ARIH2: variants seen among roughly 807,000 people sequenced by gnomAD.
ARIH2 encodes the protein ariadne RBR E3 ubiquitin protein ligase 2, also known as E3 ubiquitin-protein ligase ARIH2.
A neutral mutation model predicts 79.8 loss-of-function variants in ARIH2; 12 were observed. That is an observed-to-expected ratio of 0.15 (90% CI 0.10 to 0.24). The LOEUF (loss-of-function observed/expected upper bound fraction) is 0.24, where lower values mean the gene tolerates loss of function less well. Ranked by LOEUF, ARIH2 falls within the 10% of genes least tolerant of loss-of-function variation. ARIH2 has a pLI of 1.00. For synonymous variants in ARIH2, 224 were observed against 213.9 expected, an observed-to-expected ratio of 1.05 and a Z score of -0.41; for missense variants, 301 against 618.3, an observed-to-expected ratio of 0.49 and a Z score of 5.44.
Position 48,973,737 on chromosome 3 carries a change from G to A in ARIH2, c.809G>A (p.Cys270Tyr). Residue 270 changes from cysteine (C) to tyrosine (Y), a missense_variant, in exon 9 of 16, where the codon TGT becomes TAT. By Grantham distance (194) the Cys-to-Tyr change is radical. This residue lies in a region of ARIH2 where 223 missense variants were observed against 349.4 expected (regional missense o/e 0.64). Coordinates refer to ENST00000356401, the MANE Select transcript of ARIH2 (RefSeq NM_006321.4). Reference protein sequence around the residue: ...CRQMYHAPTDCATIRKWLTKC... With the variant: ...CRQMYHAPTDYATIRKWLTKC... ...CAGATGTATCACGCACCCACAGACT[G>A]TGCCACAATCCGGAAATGGCTCACG... is the stretch of plus-strand genomic sequence containing the variant. 1 of 1,614,176 alleles carries A rather than the reference G, an allele frequency of 6.2e-7. No individual in the cohort carries two copies. Among genetic ancestry groups the A allele is most frequent in the Non-Finnish European group, 8.5e-7 (1 of 1,180,018 alleles).
Position 48,927,590 on chromosome 3 carries a change from A to G in ARIH2, c.32A>G (p.Asp11Gly), listed in dbSNP as rs1338674813. 2 of 1,613,986 alleles carry G rather than the reference A, an allele frequency of 1.2e-6. No individual in the cohort carries two copies. Among genetic ancestry groups the G allele is most frequent in the Non-Finnish European group, 1.7e-6 (2 of 1,180,006 alleles). The part of the protein sequence containing the change: MSVDMNSQGS[D>G]SNEEDYDPNC... ...GTGGACATGAATAGCCAGGGGTCTG[A>G]CAGCAATGAAGAGGACTATGACCCA... Residue 11 changes from aspartate (D) to glycine (G), a missense_variant, in exon 3 of 16, where the codon GAC becomes GGC. Asp to Gly is a moderately conservative substitution (Grantham distance 94). Around this residue, in one of 2 missense-constraint regions of ARIH2, gnomAD observed 223 missense variants for 349.4 expected, o/e 0.64. Coordinates refer to ENST00000356401, the MANE Select transcript of ARIH2 (RefSeq NM_006321.4).
In ARIH2 at chr3:48,984,395, G is replaced by A. The variant is rs1313586945; in HGVS notation, c.*1125G>A. 1 of 152,582 alleles carries A rather than the reference G, an allele frequency of 6.6e-6. No homozygotes were observed. The highest frequency in any genetic ancestry group is 1.5e-5 in the Non-Finnish European group (1 of 68,032). The allele number at this position is 152,582 out of a possible 1,614,324, so 9.5% of individuals were successfully genotyped here. A position where few individuals can be genotyped will look rare whatever the true frequency, so the allele number is the denominator to read the frequency against. On this transcript the variant is annotated 3_prime_UTR_variant, in exon 16 of 16. Transcript: ENST00000356401. ...AGAGGCTGCTCTGAGGCTGAGGTGT[G>A]TTCCCCCTTGCCTGGTTCCAGCTGT...
At chr3:48,934,598 C>T (rs1303893486) in intron 3 of ARIH2, 6 of 985,252 alleles carry the variant, frequency 6.1e-6, no homozygotes, top group Admixed American at 6.2e-5. Flanking sequence ...TAAATTCCTG[C>T]GTTTCAAATA....
At chr3:48,953,362 T>C (rs1450115012) in intron 3 of ARIH2, among the ~76,000 whole-genome samples, 1 of 152,222 alleles carries the variant, frequency 6.6e-6, no homozygotes, top group Non-Finnish European at 1.5e-5. Flanking sequence ...CCCATAAGCT[T>C]TGAAAAGTAT....
chr3:48,979,342 C>T, intron 11 of ARIH2, 140 bp from the exon 12 acceptor site: 2 of 801,530 alleles, frequency 2.5e-6, no homozygotes, highest in Non-Finnish European at 3.9e-6. Flanking sequence ...GTGCACATTC[C>T]TTCGGGAAAG....
At chr3:48,944,880 C>G in intron 3 of ARIH2, 1 of 356,596 alleles carries the variant, frequency 2.8e-6, no homozygotes, top group Non-Finnish European at 5.5e-6. Context: ...GTCTTGATCT[C>G]TTTAGGCTGA....
chr3:48,968,424 G>C (rs1466781457), intron 6 of ARIH2, 110 bp from the exon 7 acceptor site: 1 of 1,041,398 alleles, frequency 9.6e-7, no homozygotes, highest in Non-Finnish European at 1.4e-6. Context: ...GGTCAGACTG[G>C]TCTCGAACTC....
At chr3:48,923,720 C>T (rs1438118283) in intron 2 of ARIH2, among the ~76,000 whole-genome samples, 1 of 152,058 alleles carries the variant, frequency 6.6e-6, no homozygotes, top group African/African-American at 2.4e-5. Context: ...GGGGTTTCTC[C>T]ATGTTGGTCA....
intron 2 of ARIH2, among the ~76,000 whole-genome samples, chr3:48,923,869 C>G (rs2085193179): frequency 6.6e-6 from 1 of 152,182 alleles, no homozygotes; most frequent in Non-Finnish European, 1.5e-5. Context: ...CACAGTGGCT[C>G]TTGCCTATAA....
chr3:48,940,400 A>C (rs1004325103), intron 3 of ARIH2, among the ~76,000 whole-genome samples: 9 of 151,760 alleles, frequency 5.9e-5, no homozygotes, highest in Non-Finnish European at 8.8e-5. Context: ...AGAGAGAGAG[A>C]GCGCACAAGT....
At chr3:48,979,024 G>A (rs2092658692) in intron 11 of ARIH2, among the ~76,000 whole-genome samples, 2 of 151,962 alleles carry the variant, frequency 1.3e-5, no homozygotes, top group Admixed American at 1.3e-4. Context: ...AAGGGGGAAA[G>A]CCTTTATTCT....
At chr3:48,982,173 G>C (rs2092773805) in intron 14 of ARIH2, among the ~76,000 whole-genome samples, 1 of 152,096 alleles carries the variant, frequency 6.6e-6, no homozygotes, top group Non-Finnish European at 1.5e-5. Flanking sequence ...TTAAATGCTG[G>C]AAAACAGAAA....
At chr3:48,920,492 CTTT>C (rs1242750147) in intron 1 of ARIH2, among the ~76,000 whole-genome samples, 3 of 40,978 alleles carry the variant, frequency 7.3e-5, no homozygotes, top group Non-Finnish European at 8.6e-5. Flanking sequence ...TGAGCAATTT[CTTT>C]TTTTTTTTTT....
chr3:48,922,691 A>T (rs895211634), intron 1 of ARIH2, 57 bp from the exon 2 acceptor site: 2 of 152,136 alleles, frequency 1.3e-5, no homozygotes, highest in Non-Finnish European at 2.9e-5. Context: ...AAAAAAATAA[A>T]CTTGCAAAAG....
intron 11 of ARIH2, among the ~76,000 whole-genome samples, chr3:48,977,732 C>T (rs1470630873): frequency 1.3e-5 from 2 of 152,180 alleles, no homozygotes; most frequent in Non-Finnish European, 2.9e-5. Flanking sequence ...GCTTGGATTA[C>T]AGGCGTGAGG....
intron 13 of ARIH2, 130 bp from the exon 14 acceptor site, chr3:48,981,530 A>T: frequency 1.7e-6 from 1 of 601,828 alleles, no homozygotes; most frequent in Non-Finnish European, 2.9e-6. Context: ...GCCTAGTATC[A>T]TTTCTTTCAG....
intron 9 of ARIH2, among the ~76,000 whole-genome samples, chr3:48,974,191 A>T (rs1024730025): frequency 2.0e-5 from 3 of 152,160 alleles, no homozygotes; most frequent in African/African-American, 7.2e-5. Context: ...CACGATACTC[A>T]TTTTGAAGTC....
chr3:48,974,595 G>A (rs1462033710), intron 9 of ARIH2: 1 of 593,558 alleles, frequency 1.7e-6, no homozygotes, highest in South Asian at 2.0e-5. Flanking sequence ...GACTTAGTGG[G>A]GTTCAGCTGG....
intron 4 of ARIH2, among the ~76,000 whole-genome samples, chr3:48,962,918 G>T (rs569307905): frequency 6.6e-6 from 1 of 151,956 alleles, no homozygotes; most frequent in South Asian, 2.1e-4. Context: ...ACCCAGGCTG[G>T]AGTGCAGTGG....
Sources: allele counts gnomAD v4.1 joint callset (sites outside exome capture counted in the v4.1 genomes callset), GRCh38; gene constraint gnomAD v4.1.1; regional missense constraint gnomAD v4.1.1; transcripts MANE v1.5; gene names NCBI Gene and HGNC (gene_info 2026-07-23, HGNC 2026-07-21).